The following CD160 variants were observed in gnomAD, a reference collection of about 807,000 sequenced individuals.
CD160 encodes CD160 antigen.
CD160 carries 11 observed loss-of-function variants against 19.2 expected under a neutral mutation model. The ratio of observed to expected loss-of-function variants is 0.57; its 90% CI spans 0.36 to 0.95. CD160 has a LOEUF of 0.95. Ranked by LOEUF, CD160 falls within the 40% of genes least tolerant of loss-of-function variation. The probability of loss-of-function intolerance (pLI) is 0.01; values close to 1 mark genes in which losing one functional copy is unlikely to be tolerated. For missense variants in CD160, 182 were observed against 213.2 expected (o/e 0.85, Z 0.91); for synonymous variants, 75 against 81.1 (o/e 0.93, Z 0.40).
At chr1:145,738,301 G>GA in intron 5 of CD160, 185 bp from the exon 6 acceptor site, 1 of 386,288 alleles carries the variant, frequency 2.6e-6, no homozygotes, top group Non-Finnish European at 4.7e-6. Context: ...ATTTGCTCAA[G>GA]ATTACAACCC....
Position 145,730,959 on chromosome 1 carries a change from T to A in CD160, c.289T>A (p.Phe97Ile). The A allele has an allele frequency of 1.9e-6, 3 of 1,614,172 alleles. No homozygotes were observed. Among genetic ancestry groups the A allele is most frequent in the Non-Finnish European group, 2.5e-6 (3 of 1,180,012 alleles). The change falls in exon 4 of 6, where the codon TTC becomes ATC. Residue 97 changes from phenylalanine to isoleucine, a missense_variant. Transcript: ENST00000369288. Reference protein sequence around the residue: ...GVGEISSQLMFTISQVTPLHS... With the variant: ...GVGEISSQLMITISQVTPLHS... Reference sequence around the variant, plus strand: ...TGGTGAAATATCATCTCAGTTGATGTTCACCATAAGCCAAGTCACACCGTT... The same window carrying A: ...TGGTGAAATATCATCTCAGTTGATGATCACCATAAGCCAAGTCACACCGTT...
chr1:145,734,027 T>C (rs1657393161), intron 4 of CD160, among the ~76,000 whole-genome samples: 2 of 152,320 alleles, frequency 1.3e-5, no homozygotes, highest in East Asian at 1.9e-4. Flanking sequence ...TTTCTGTTCA[T>C]GACGGAGTCA....
At chr1:145,732,044 G>A (rs947966093) in intron 4 of CD160, among the ~76,000 whole-genome samples, 1 of 152,056 alleles carries the variant, frequency 6.6e-6, no homozygotes. Context: ...TACTACTTTG[G>A]CATATCCTAA....
At chr1:145,721,198 C>T (rs1164889587) in intron 1 of CD160, among the ~76,000 whole-genome samples, 1 of 152,184 alleles carries the variant, frequency 6.6e-6, no homozygotes. Context: ...CTTTGCACCC[C>T]CTCATCTCCC....
intron 3 of CD160, among the ~76,000 whole-genome samples, chr1:145,729,748 G>T (rs1571680379): frequency 6.6e-6 from 1 of 152,294 alleles, no homozygotes; most frequent in East Asian, 1.9e-4. Context: ...CATGGTCTTT[G>T]GATATCAATG....
chr1:145,738,175 C>A (rs1447785113), intron 5 of CD160: 16 of 211,998 alleles, frequency 7.5e-5, no homozygotes, highest in Non-Finnish European at 1.2e-4. Context: ...CAATTCAGAG[C>A]TATACGTGGA....
At chr1:145,737,233 A>C (rs1657532452) in intron 5 of CD160, 2 of 150,538 alleles carry the variant, frequency 1.3e-5, no homozygotes, top group African/African-American at 4.9e-5. Flanking sequence ...CCTGGGTGAC[A>C]GGGTGAGACA....
intron 1 of CD160, among the ~76,000 whole-genome samples, chr1:145,721,780 G>C (rs72704264): frequency 0.85 from 129,334 of 152,148 alleles, 55,369 homozygotes; most frequent in African/African-American, 0.95. Context: ...ACCAGCTCCC[G>C]AGAGCCCACA....
At chr1:145,726,566 C>G (rs1240518918) in intron 2 of CD160, among the ~76,000 whole-genome samples, 1 of 152,130 alleles carries the variant, frequency 6.6e-6, no homozygotes, top group Non-Finnish European at 1.5e-5. Context: ...GAACATCACA[C>G]ACCGATGACG....
Position 145,730,921 on chromosome 1 carries a change from G to A in CD160, c.251G>A (p.Gly84Glu). 1 of 1,614,148 alleles carries A rather than the reference G, an allele frequency of 6.2e-7. No individual in the cohort carries two copies. The highest frequency in any genetic ancestry group is 8.5e-7 in the Non-Finnish European group (1 of 1,180,008). ...LKQLRLKRDP[G>E]IDGVGEISSQ... ...CAGCTGAGACTTAAAAGGGATCCTG[G>A]GATAGATGGTGTTGGTGAAATATCA... The change falls in exon 4 of 6, where the codon GGG becomes GAG. Residue 84 changes from glycine (G) to glutamate (E), a missense_variant. Transcript: ENST00000369288.
In CD160 at chr1:145,730,765, C is replaced by A; in HGVS notation, c.95C>A (p.Ser32Ter). 3.1e-6 allele frequency: 5 copies of A among 1,613,160 alleles called. No homozygotes were observed. Among genetic ancestry groups the A allele is most frequent in the Non-Finnish European group, 4.2e-6 (5 of 1,179,984 alleles). Reference sequence around the variant, plus strand: ...CCAGGATGCATTAACATCACCAGCTCAGCTTCCCAGGAAGGAACGCGACTA... The same window carrying A: ...CCAGGATGCATTAACATCACCAGCTAAGCTTCCCAGGAAGGAACGCGACTA... ...QSGGCINITSSASQEGTRLNL... is the reference protein window; with the variant it reads ...QSGGCINITS Residue 32 changes from serine to a stop codon, truncating the protein, a stop_gained, in exon 4 of 6, where the codon TCA (serine) becomes TAA (stop). Transcript: ENST00000369288. LOFTEE classifies it high-confidence loss of function.
rs1553709132 is a variant in CD160 at position 145,730,956 on chromosome 1, A to T, written c.286A>T (p.Met96Leu). ...TGTTGGTGAAATATCATCTCAGTTG[A>T]TGTTCACCATAAGCCAAGTCACACC... Reference protein sequence around the residue: ...DGVGEISSQLMFTISQVTPLH... With the variant: ...DGVGEISSQLLFTISQVTPLH... The change falls in exon 4 of 6, where the codon ATG becomes TTG. Residue 96 changes from methionine to leucine, a missense_variant. Physicochemically the swap from Met to Leu is conservative, Grantham distance 15. Coordinates refer to ENST00000369288, the MANE Select transcript of CD160 (RefSeq NM_007053.4). 6.2e-7 allele frequency: 1 copy of T among 1,614,026 alleles called. No homozygotes were observed. The highest frequency in any genetic ancestry group is 1.1e-5 in the South Asian group (1 of 91,080).
At chr1:145,728,486 G>T in intron 3 of CD160, 86 bp downstream of exon 3, 1 of 789,232 alleles carries the variant, frequency 1.3e-6, no homozygotes, top group Non-Finnish European at 2.1e-6. Context: ...TTCTCTAGTG[G>T]GGAAACAAAG....
intron 3 of CD160, among the ~76,000 whole-genome samples, chr1:145,729,915 C>CA (rs1266834319): frequency 6.6e-6 from 1 of 152,226 alleles, no homozygotes; most frequent in African/African-American, 2.4e-5. Context: ...GCACTAACTT[C>CA]ACTGTGAAGT....
Position 145,738,476 on chromosome 1 carries a change from C to A in CD160, c.539-10C>A. 1 of 1,322,740 alleles carries A rather than the reference C, an allele frequency of 7.6e-7. No homozygotes were observed. The highest frequency in any genetic ancestry group is 2.8e-5 in the East Asian group (1 of 35,814). 81.9% of individuals were successfully genotyped at this position (1,322,740 alleles called of 1,614,324 possible). On this transcript the variant is annotated splice_polypyrimidine_tract_variant and intron_variant, in intron 5 of 5. Coordinates refer to ENST00000369288, the MANE Select transcript of CD160 (RefSeq NM_007053.4). The stretch of plus-strand genomic sequence containing the variant: ...GTTATAAGGCAGTAATACAAACTTT[C>A]TTTCCACAGCTTTGTAAGCCTTGTG...
intron 4 of CD160, among the ~76,000 whole-genome samples, chr1:145,734,161 G>C (rs1273846453): frequency 6.6e-6 from 1 of 152,128 alleles, no homozygotes; most frequent in Non-Finnish European, 1.5e-5. Context: ...CCTTCCAAAG[G>C]TGTTTTTCAG....
intron 4 of CD160, 88 bp downstream of exon 4, chr1:145,731,158 A>C: frequency 9.6e-7 from 1 of 1,041,558 alleles, no homozygotes; most frequent in Admixed American, 2.2e-5. Flanking sequence ...CAGGTCCTGG[A>C]AAGGCAGTTT....
chr1:145,731,984 T>A (rs1489850135), intron 4 of CD160, among the ~76,000 whole-genome samples: 1 of 152,184 alleles, frequency 6.6e-6, no homozygotes, highest in African/African-American at 2.4e-5. Context: ...CAGCAAGGCC[T>A]CTGGCTTCTG....
chr1:145,728,135 T>C, intron 2 of CD160, 121 bp from the exon 3 acceptor site: 1 of 555,746 alleles, frequency 1.8e-6, no homozygotes, highest in Non-Finnish European at 3.2e-6. Flanking sequence ...AGCTGGACTC[T>C]CATGCCCAAG....
Sources: allele counts gnomAD v4.1 joint callset (sites outside exome capture counted in the v4.1 genomes callset), GRCh38; gene constraint gnomAD v4.1.1; transcripts MANE v1.5; gene names NCBI Gene and HGNC (gene_info 2026-07-23, HGNC 2026-07-21).